The following BORCS5 variants were observed in gnomAD, a reference collection of about 807,000 sequenced individuals.
BORCS5 encodes BLOC-1-related complex subunit 5.
A neutral mutation model predicts 22.1 loss-of-function variants in BORCS5; 17 were observed. The ratio of observed to expected loss-of-function variants is 0.77; its 90% CI spans 0.53 to 1.15. BORCS5 has a LOEUF of 1.15. BORCS5 is among the 50% of genes most tolerant of loss of function. The pLI, the probability that BORCS5 is intolerant of heterozygous loss-of-function variation, is 0.00. For missense variants in BORCS5, 247 were observed against 253.2 expected (o/e 0.98, Z 0.17); for synonymous variants, 117 against 99.8 (o/e 1.17, Z -1.03).
chr12:12,408,735 T>G (rs1941648279), intron 2 of BORCS5, among the ~76,000 whole-genome samples: 1 of 152,196 alleles, frequency 6.6e-6, no homozygotes, highest in South Asian at 2.1e-4. Context: ...AATTTTCTTT[T>G]AAAGGCTGAA....
chr12:12,378,997 C>T (rs1320949481), intron 2 of BORCS5, among the ~76,000 whole-genome samples: 1 of 151,324 alleles, frequency 6.6e-6, no homozygotes, highest in African/African-American at 2.4e-5. Context: ...TCAAGGGATC[C>T]TCCCACCTTT....
Position 12,470,157 on chromosome 12 carries a change from G to A in BORCS5, c.*4381G>A, listed in dbSNP as rs1341757434. Among the ~76,000 whole-genome samples, 5 of 152,144 alleles carry A rather than the reference G, an allele frequency of 3.3e-5. No homozygotes were observed. The highest frequency in any genetic ancestry group is 3.9e-4 in the East Asian group (2 of 5,188). On this transcript the variant is annotated 3_prime_UTR_variant, in exon 4 of 4. Transcript: ENST00000314565. ...ACGATCTCGGCTCACTGCAACCTCC[G>A]CCTCCCGGGTTCAAGCAGTTATACT...
intron 2 of BORCS5, among the ~76,000 whole-genome samples, chr12:12,383,180 G>A (rs1863811567): frequency 1.3e-5 from 2 of 151,104 alleles, no homozygotes; most frequent in South Asian, 4.2e-4. Flanking sequence ...AGCAGTTGCT[G>A]TAGGGATTAC....
intron 1 of BORCS5, among the ~76,000 whole-genome samples, chr12:12,359,518 C>T (rs544642311): frequency 9.2e-5 from 14 of 152,076 alleles, no homozygotes; most frequent in Admixed American, 2.0e-4. Flanking sequence ...CATGCCACCA[C>T]GCCTGGATAA....
At chr12:12,395,157 C>T (rs868081272) in intron 2 of BORCS5, among the ~76,000 whole-genome samples, 1 of 151,842 alleles carries the variant, frequency 6.6e-6, no homozygotes, top group African/African-American at 2.4e-5. Context: ...AGAGTCTGAG[C>T]AAAGTGGGTC....
At chr12:12,384,390 A>G (rs1036779382) in intron 2 of BORCS5, among the ~76,000 whole-genome samples, 1 of 148,348 alleles carries the variant, frequency 6.7e-6, no homozygotes, top group Non-Finnish European at 1.5e-5. Context: ...TAGTTCTGTG[A>G]GCTTATAATT....
chr12:12,392,480 CA>C (rs1200865243), intron 2 of BORCS5, among the ~76,000 whole-genome samples: 1 of 151,986 alleles, frequency 6.6e-6, no homozygotes, highest in East Asian at 1.9e-4. Context: ...TGCAAGGCAG[CA>C]AAAAGGTTAC....
intron 2 of BORCS5, among the ~76,000 whole-genome samples, chr12:12,422,460 A>C (rs1281504042): frequency 6.6e-6 from 1 of 152,126 alleles, no homozygotes; most frequent in African/African-American, 2.4e-5. Flanking sequence ...CTAAAAATTC[A>C]AAAATTAGCC....
At chr12:12,441,229 G>T (rs1942676979) in intron 3 of BORCS5, among the ~76,000 whole-genome samples, 1 of 152,232 alleles carries the variant, frequency 6.6e-6, no homozygotes, top group African/African-American at 2.4e-5. Flanking sequence ...GTACAGTAAT[G>T]AGTGCCATTA....
intron 2 of BORCS5, among the ~76,000 whole-genome samples, chr12:12,391,512 A>G (rs1311664973): frequency 6.6e-6 from 1 of 151,646 alleles, no homozygotes; most frequent in Non-Finnish European, 1.5e-5. Flanking sequence ...CAGTCTCCCA[A>G]GTCGCTGGGA....
At chr12:12,393,251 G>C (rs1298913232) in intron 2 of BORCS5, among the ~76,000 whole-genome samples, 1 of 151,754 alleles carries the variant, frequency 6.6e-6, no homozygotes, top group African/African-American at 2.4e-5. Context: ...ATAATAATAA[G>C]ACAAGGTTTC....
At chr12:12,391,164 T>C (rs1255878290) in intron 2 of BORCS5, among the ~76,000 whole-genome samples, 1 of 152,042 alleles carries the variant, frequency 6.6e-6, no homozygotes, top group African/African-American at 2.4e-5. Flanking sequence ...GGAGCATAAG[T>C]AAGATACTGC....
intron 3 of BORCS5, among the ~76,000 whole-genome samples, chr12:12,438,724 A>G (rs1374698381): frequency 1.3e-5 from 2 of 152,160 alleles, no homozygotes; most frequent in Non-Finnish European, 2.9e-5. Flanking sequence ...CAGCTTGCAA[A>G]TACTCCTGTT....
intron 2 of BORCS5, among the ~76,000 whole-genome samples, chr12:12,366,295 A>T (rs1448831699): frequency 6.6e-6 from 1 of 152,208 alleles, no homozygotes; most frequent in African/African-American, 2.4e-5. Flanking sequence ...ATGTAATGCT[A>T]ATGCTGGTGG....
chr12:12,434,967 A>G (rs1425182669), intron 2 of BORCS5, among the ~76,000 whole-genome samples: 5 of 152,184 alleles, frequency 3.3e-5, no homozygotes, highest in Non-Finnish European at 5.9e-5. Context: ...TCTCCTGCAA[A>G]TGCTATTAAT....
intron 2 of BORCS5, among the ~76,000 whole-genome samples, chr12:12,394,879 A>G (rs1407771516): frequency 6.6e-6 from 1 of 152,122 alleles, no homozygotes; most frequent in Non-Finnish European, 1.5e-5. Context: ...TGAGGGAAAT[A>G]TTAACATCAT....
intron 2 of BORCS5, among the ~76,000 whole-genome samples, chr12:12,383,127 C>G (rs536618067): frequency 1.9e-4 from 29 of 150,818 alleles, no homozygotes; most frequent in Non-Finnish European, 3.8e-4. Flanking sequence ...TTAACTGTTC[C>G]ATTGATTTTT....
intron 2 of BORCS5, among the ~76,000 whole-genome samples, chr12:12,432,749 T>C (rs1268881028): frequency 2.6e-5 from 4 of 152,260 alleles, no homozygotes; most frequent in Non-Finnish European, 5.9e-5. Context: ...TAAAGTTTTA[T>C]GTTGGGCAAC....
At chr12:12,414,064 T>C (rs1385458127) in intron 2 of BORCS5, among the ~76,000 whole-genome samples, 99 of 33,430 alleles carry the variant, frequency 3.0e-3, no homozygotes, top group South Asian at 3.8e-3. Flanking sequence ...GGGGGGCTGA[T>C]CCCCCCACAT....
Sources: gnomAD v4.1 joint callset for allele counts (sites outside exome capture counted in the v4.1 genomes callset) on GRCh38, gnomAD v4.1.1 for gene constraint, MANE v1.5 for transcripts, NCBI Gene and HGNC (gene_info 2026-07-23, HGNC 2026-07-21) for gene names.